ZNF716: variants seen among roughly 807,000 people sequenced by gnomAD.
ZNF716 encodes zinc finger protein 716.
A neutral mutation model predicts 13.4 loss-of-function variants in ZNF716; 9 were observed. The observed-to-expected ratio is 0.67, with a 90% CI of 0.41 to 1.18. The LOEUF (loss-of-function observed/expected upper bound fraction) is 1.18. Among genes scored for constraint, ZNF716 ranks in the 50% most tolerant of loss-of-function variants. The pLI is 0.01. For missense variants in ZNF716, 581 were observed against 576.6 expected (o/e 1.01, Z -0.08); for synonymous variants, 186 against 195.2 (o/e 0.95, Z 0.39).
In ZNF716 at chr7:57,468,809, A is replaced by G. The variant is rs551864095; in HGVS notation, c.348A>G (p.Gly116=). The G allele has an allele frequency of 6.2e-7, 1 of 1,613,762 alleles. No homozygotes were observed. The highest frequency in any genetic ancestry group is 1.1e-5 in the South Asian group (1 of 91,070). The part of the protein sequence containing the change: ...SLQKVILRRY[G]KCGQEDLQVK... The stretch of plus-strand genomic sequence containing the variant: ...AAAAAGTGATACTGAGAAGATATGG[A>G]AAATGTGGACAGGAGGATTTACAAG... The change falls in exon 4 of 4, where the codon GGA becomes GGG. Residue 116 remains glycine (G), a synonymous_variant. Coordinates refer to ENST00000420713, the MANE Select transcript of ZNF716 (RefSeq NM_001159279.1).
Position 57,462,525 on chromosome 7 carries a change from T to C in ZNF716, c.105T>C (p.His35=). ...TGGCGGAATGGCAATGCCTGGATCA[T>C]GCTCAGCAGAATTTATATAGAGATG... ...FSLAEWQCLD[H]AQQNLYRDVM... Residue 35 remains histidine (H), a synonymous_variant, in exon 2 of 4, where the codon CAT becomes CAC. Transcript: ENST00000420713. 6.2e-7 allele frequency: 1 copy of C among 1,613,950 alleles called. No individual in the cohort carries two copies.
At chr7:57,460,809 C>T (rs10251077) in intron 1 of ZNF716, among the ~76,000 whole-genome samples, 58,340 of 151,740 alleles carry the variant, frequency 0.38, 11,413 homozygotes, top group East Asian at 0.51. Flanking sequence ...GAACAGGTAA[C>T]GCTCATTTAA....
intron 1 of ZNF716, among the ~76,000 whole-genome samples, chr7:57,450,990 A>G (rs75318723): frequency 0.036 from 5,453 of 151,796 alleles, 314 homozygotes; most frequent in East Asian, 0.24. Flanking sequence ...CTAGGCCTGA[A>G]TATTTTTCTT....
chr7:57,462,081 AC>A (rs1398324407), intron 1 of ZNF716, among the ~76,000 whole-genome samples: 1 of 151,644 alleles, frequency 6.6e-6, no homozygotes, highest in Admixed American at 6.6e-5. Flanking sequence ...AATCACTTGA[AC>A]CCAGGAGGCG....
intron 1 of ZNF716, among the ~76,000 whole-genome samples, chr7:57,459,557 T>A (rs530538638): frequency 6.6e-6 from 1 of 152,198 alleles, no homozygotes; most frequent in Non-Finnish European, 1.5e-5. Flanking sequence ...AGGGGACTTG[T>A]TGAAAAAGCC....
intron 1 of ZNF716, among the ~76,000 whole-genome samples, chr7:57,459,796 A>T (rs1385168405): frequency 6.6e-6 from 1 of 152,118 alleles, no homozygotes; most frequent in African/African-American, 2.4e-5. Flanking sequence ...CTGATAGGGG[A>T]GGGCAGGGGA....
chr7:57,460,311 C>T (rs1287450482), intron 1 of ZNF716, among the ~76,000 whole-genome samples: 1 of 144,650 alleles, frequency 6.9e-6, no homozygotes, highest in African/African-American at 2.6e-5. Flanking sequence ...AGTAGAATCG[C>T]TTGAACCCAA....
chr7:57,460,412 A>AG (rs1789687553), intron 1 of ZNF716, among the ~76,000 whole-genome samples: 1 of 151,106 alleles, frequency 6.6e-6, no homozygotes, highest in South Asian at 2.1e-4. Flanking sequence ...AAAAAAAAAA[A>AG]AAGGCAGCGT....
At chr7:57,464,449 C>T (rs1485627281) in intron 3 of ZNF716, among the ~76,000 whole-genome samples, 6 of 150,044 alleles carry the variant, frequency 4.0e-5, no homozygotes, top group Non-Finnish European at 8.9e-5. Context: ...TCATGTAATT[C>T]AATTATTATT....
Position 57,469,766 on chromosome 7 carries a change from C to A in ZNF716, c.1305C>A (p.Leu435=), listed in dbSNP as rs1354387749. 3 of 1,610,406 alleles carry A rather than the reference C, an allele frequency of 1.9e-6. No individual in the cohort carries two copies. Among genetic ancestry groups the A allele is most frequent in the Non-Finnish European group, 2.5e-6 (3 of 1,178,210 alleles). Residue 435 remains leucine, a synonymous_variant, in exon 4 of 4, where the codon CTC becomes CTA. Transcript: ENST00000420713. The part of the protein sequence containing the change: ...KHKIIHTGEK[L]YKCKECGKAF... ...AGATAATTCATACTGGAGAGAAACT[C>A]TACAAATGTAAAGAATGTGGGAAAG...
chr7:57,453,989 C>T (rs1269816385), intron 1 of ZNF716, among the ~76,000 whole-genome samples: 1 of 152,140 alleles, frequency 6.6e-6, no homozygotes, highest in Admixed American at 6.5e-5. Flanking sequence ...CCCGCCACCA[C>T]ACCCGGCTAA....
At chr7:57,460,556 T>G (rs1298838969) in intron 1 of ZNF716, among the ~76,000 whole-genome samples, 1 of 152,030 alleles carries the variant, frequency 6.6e-6, no homozygotes, top group East Asian at 1.9e-4. Context: ...GAAAAAAATA[T>G]TTTTTTTCTG....
chr7:57,465,285 C>T (rs1334668577), intron 3 of ZNF716, among the ~76,000 whole-genome samples: 2 of 152,018 alleles, frequency 1.3e-5, no homozygotes, highest in Non-Finnish European at 2.9e-5. Context: ...TTTTGATTTG[C>T]CAGTTATACT....
In ZNF716 at chr7:57,470,105, TAAA is replaced by T; in HGVS notation, c.*164_*166del. 1 of 679,744 alleles carries T rather than the reference TAAA, an allele frequency of 1.5e-6. No individual in the cohort carries two copies. The highest frequency in any genetic ancestry group is 3.1e-5 in the South Asian group (1 of 31,910). The allele number at this position is 679,744 out of a possible 1,614,324, so 42.1% of individuals were successfully genotyped here. A position where few individuals can be genotyped will look rare whatever the true frequency, so the allele number is the denominator to read the frequency against. ...ATATTGGACAAAAGTCTTATAAATG[TAAA>T]AAAAAAAGTAACAGCCTTTAACCAC... On this transcript the variant is annotated 3_prime_UTR_variant, in exon 4 of 4. Coordinates refer to ENST00000420713, the MANE Select transcript of ZNF716 (RefSeq NM_001159279.1).
chr7:57,456,710 G>A (rs1417172894), intron 1 of ZNF716, among the ~76,000 whole-genome samples: 1 of 151,914 alleles, frequency 6.6e-6, no homozygotes, highest in East Asian at 2.0e-4. Flanking sequence ...ACCCCAGCCT[G>A]GGCGACAGAG....
chr7:57,461,715 C>G (rs1364451009), intron 1 of ZNF716, among the ~76,000 whole-genome samples: 6 of 152,182 alleles, frequency 3.9e-5, no homozygotes, highest in Non-Finnish European at 5.9e-5. Flanking sequence ...AACTCAGACT[C>G]TATCCCAAAT....
rs1554324500 is a variant in ZNF716, at chr7:57,468,728, A to G, written c.267A>G (p.Thr89=). 1.9e-6 allele frequency: 3 copies of G among 1,602,984 alleles called. No homozygotes were observed. Among genetic ancestry groups the G allele is most frequent in the Non-Finnish European group, 1.7e-6 (2 of 1,177,142 alleles). ...RNEMVAKHPV[T]CSHFTQDLQS... is the part of the protein sequence containing the mutation. Reference sequence around the variant, plus strand: ...TGTGATTTTTATGTCTTTCAGTTACATGTTCTCATTTCACCCAAGACCTTC... The same window carrying G: ...TGTGATTTTTATGTCTTTCAGTTACGTGTTCTCATTTCACCCAAGACCTTC... The change falls in exon 4 of 4, where the codon ACA becomes ACG. Residue 89 remains threonine (T), a synonymous_variant. Coordinates refer to ENST00000420713, the MANE Select transcript of ZNF716 (RefSeq NM_001159279.1).
In ZNF716 at chr7:57,460,072, A is replaced by G. The variant is rs782255691; in HGVS notation, c.40-2388A>G. Among the ~76,000 whole-genome samples, 92 of 152,230 alleles carry G rather than the reference A, an allele frequency of 6.0e-4. 1 individual carries two copies. The highest frequency in any genetic ancestry group is 3.9e-3 in the Admixed American group (59 of 15,288). The stretch of plus-strand genomic sequence containing the variant: ...AAGAGAAAAAAAATCACTTTTTCTC[A>G]GGTGAGCATGTCTCAGATCAAGAGC... On this transcript the variant is annotated intron_variant, in intron 1 of 3. Coordinates refer to ENST00000420713, the MANE Select transcript of ZNF716 (RefSeq NM_001159279.1).
At position 57,472,819 on chromosome 7, in the gene ZNF716, A is replaced by G. The variant is rs1416874096; in HGVS notation, c.*2870A>G. 1 of 152,114 alleles carries G rather than the reference A, an allele frequency of 6.6e-6. No homozygotes were observed. Among genetic ancestry groups the G allele is most frequent in the Non-Finnish European group, 1.5e-5 (1 of 68,036 alleles). The allele number at this position is 152,114 out of a possible 1,614,324, so 9.4% of individuals were successfully genotyped here. ...TTGAAGAATTTTGTTCCCATAGGAC[A>G]AATTTGTACTTTTTTACCTTATTTA... On this transcript the variant is annotated 3_prime_UTR_variant, in exon 4 of 4. Transcript: ENST00000420713.
Sources: gnomAD v4.1 joint callset for allele counts (sites outside exome capture counted in the v4.1 genomes callset) on GRCh38, gnomAD v4.1.1 for gene constraint, MANE v1.5 for transcripts, NCBI Gene and HGNC (gene_info 2026-07-23, HGNC 2026-07-21) for gene names.